The following THEM4 variants were observed in gnomAD, a reference collection of about 807,000 sequenced individuals.
The protein encoded by THEM4 is acyl-coenzyme A thioesterase THEM4.
Under a neutral mutation model 25.0 loss-of-function variants are expected in THEM4, and 22 were observed. The ratio of observed to expected loss-of-function variants is 0.88; its 90% CI spans 0.63 to 1.26. THEM4 has a LOEUF of 1.26. THEM4 is among the 50% of genes most tolerant of loss of function. The pLI, the probability that THEM4 is intolerant of heterozygous loss-of-function variation, is 0.00. For synonymous variants in THEM4, 113 were observed against 105.6 expected, an observed-to-expected ratio of 1.07 and a Z score of -0.43; for missense variants, 286 against 300.3, an observed-to-expected ratio of 0.95 and a Z score of 0.35.
chr1:151,902,085 C>T (rs567450475), intron 1 of THEM4, among the ~76,000 whole-genome samples: 1 of 152,258 alleles, frequency 6.6e-6, no homozygotes, highest in South Asian at 2.1e-4. Flanking sequence ...GCGATACCAC[C>T]TTACTCCTGC....
In THEM4 at chr1:151,875,035, G is replaced by A. The variant is rs190068228; in HGVS notation, c.683-107C>T. The A allele has an allele frequency of 2.4e-5, 22 of 921,794 alleles. 1 individual carries two copies. In the Admixed American group the frequency reaches 3.9e-4, roughly 17 times the overall value. The allele number at this position is 921,794 out of a possible 1,614,324, so 57.1% of individuals were successfully genotyped here. On this transcript the variant is annotated intron_variant, in intron 5 of 5. Coordinates refer to ENST00000368814, the MANE Select transcript of THEM4 (RefSeq NM_053055.5). ...CAAAAGAAGGATTTGATTCACATTT[G>A]TAGCTTCAGTCTATCTGTCCACTCT...
intron 1 of THEM4, among the ~76,000 whole-genome samples, chr1:151,898,554 G>A (rs1047213413): frequency 3.3e-5 from 5 of 152,170 alleles, no homozygotes; most frequent in African/African-American, 9.7e-5. Context: ...CTAGGGCCCC[G>A]CCCACCACCG....
At chr1:151,881,153 A>G (rs1413716659) in intron 4 of THEM4, among the ~76,000 whole-genome samples, 1 of 151,984 alleles carries the variant, frequency 6.6e-6, no homozygotes, top group Non-Finnish European at 1.5e-5. Context: ...ACTATAATTT[A>G]TTTATTGTAA....
chr1:151,884,391 AC>A (rs1465514257), intron 4 of THEM4, among the ~76,000 whole-genome samples: 2 of 152,158 alleles, frequency 1.3e-5, no homozygotes, highest in African/African-American at 4.8e-5. Flanking sequence ...ATTCACATTT[AC>A]CCCTCTTGTT....
chr1:151,895,140 T>G lies in THEM4; in HGVS notation c.154A>C (p.Ser52Arg). The G allele has an allele frequency of 6.2e-7, 1 of 1,614,112 alleles. No individual in the cohort carries two copies. The highest frequency in any genetic ancestry group is 8.5e-7 in the Non-Finnish European group (1 of 1,180,004). The change falls in exon 2 of 6, where the codon AGC becomes CGC. Residue 52 changes from serine to arginine, a missense_variant. Ser to Arg is a moderately radical substitution (Grantham distance 110, BLOSUM62 -1). Coordinates refer to ENST00000368814, the MANE Select transcript of THEM4 (RefSeq NM_053055.5). ...AGCAGTCTTAGGTCCTTGTTCCAGC[T>G]GGGGTTGGGGACAGAACAGTCCTTA... ...ILKDCSVPNP[S>R]WNKDLRLLFD...
intron 4 of THEM4, among the ~76,000 whole-genome samples, chr1:151,883,146 C>T (rs1408362217): frequency 8.6e-6 from 1 of 116,946 alleles, no homozygotes; most frequent in African/African-American, 3.1e-5. Flanking sequence ...GAGATGGAGT[C>T]TTGCTCTGTT....
chr1:151,895,476 C>T (rs1479581424), intron 1 of THEM4, among the ~76,000 whole-genome samples: 1 of 152,082 alleles, frequency 6.6e-6, no homozygotes, highest in Admixed American at 6.5e-5. Context: ...AGACTTTAAT[C>T]AAGCACAGGT....
intron 1 of THEM4, among the ~76,000 whole-genome samples, chr1:151,899,482 C>CAAAAA (rs58168472): frequency 1.1e-5 from 1 of 94,668 alleles, no homozygotes; most frequent in African/African-American, 3.7e-5. Context: ...CAGAGTGAGT[C>CAAAAA]AAAAAAAAAA....
chr1:151,877,047 A>C lies in THEM4; in HGVS notation c.636T>G (p.Cys212Trp). 6.2e-7 allele frequency: 1 copy of C among 1,613,774 alleles called. No individual in the cohort carries two copies. The highest frequency in any genetic ancestry group is 8.5e-7 in the Non-Finnish European group (1 of 1,179,790). Residue 212 changes from cysteine (C) to tryptophan (W), a missense_variant, in exon 5 of 6, where the codon TGT (cysteine) becomes TGG (tryptophan). Coordinates refer to ENST00000368814, the MANE Select transcript of THEM4 (RefSeq NM_053055.5). ...KVEGRKFFVS[C>W]NVQSVDEKTL... Reference sequence around the variant, plus strand: ...TCTTCTCATCAACACTCTGAACATTACAGGAAACAAAAAATTTCCTTCCTT... The same window carrying C: ...TCTTCTCATCAACACTCTGAACATTCCAGGAAACAAAAAATTTCCTTCCTT...
intron 4 of THEM4, among the ~76,000 whole-genome samples, chr1:151,887,697 A>C (rs1654004011): frequency 6.6e-6 from 1 of 152,040 alleles, no homozygotes; most frequent in Admixed American, 6.6e-5. Context: ...GTGCAGTGGC[A>C]TGATCCTAGC....
rs537959854 is a variant in THEM4, at chr1:151,883,893, G to A, written c.557+4380C>T. 4.6e-5 allele frequency among the ~76,000 whole-genome samples: 7 copies of A among 152,062 alleles called. No individual in the cohort carries two copies. In the East Asian group the frequency reaches 7.7e-4, roughly 17 times the overall value. On this transcript the variant is annotated intron_variant, in intron 4 of 5. Coordinates refer to ENST00000368814, the MANE Select transcript of THEM4 (RefSeq NM_053055.5). ...AGTTTGAGACCAGCCTGGCCAACAT[G>A]GTGAAACCTCGTCTCTACTAAAAAT...
chr1:151,888,432 T>C, intron 3 of THEM4, 49 bp from the exon 4 acceptor site: 1 of 1,411,626 alleles, frequency 7.1e-7, no homozygotes, highest in Non-Finnish European at 9.8e-7. Context: ...GTTCTGAAGA[T>C]AGAGAGCCTC....
intron 1 of THEM4, among the ~76,000 whole-genome samples, chr1:151,907,109 C>G (rs903451759): frequency 6.6e-6 from 1 of 152,148 alleles, no homozygotes; most frequent in Non-Finnish European, 1.5e-5. Flanking sequence ...CAGCTTCACT[C>G]CTGAAGCCAA....
intron 2 of THEM4, among the ~76,000 whole-genome samples, chr1:151,892,393 G>A (rs1654113718): frequency 6.6e-6 from 1 of 152,196 alleles, no homozygotes; most frequent in Non-Finnish European, 1.5e-5. Flanking sequence ...TCCGTCACTA[G>A]TGGCTTCAAT....
At chr1:151,885,076 T>C (rs578060665) in intron 4 of THEM4, among the ~76,000 whole-genome samples, 1 of 151,424 alleles carries the variant, frequency 6.6e-6, no homozygotes, top group East Asian at 1.9e-4. Context: ...CTTTTTGTGA[T>C]TTCATCTTTT....
At chr1:151,884,835 C>T (rs149757210) in intron 4 of THEM4, among the ~76,000 whole-genome samples, 4,087 of 151,584 alleles carry the variant, frequency 0.027, 189 homozygotes, top group African/African-American at 0.093. Flanking sequence ...ATTACAGGTG[C>T]GCACCACCAC....
At chr1:151,905,345 T>C (rs1401769248) in intron 1 of THEM4, among the ~76,000 whole-genome samples, 1 of 152,156 alleles carries the variant, frequency 6.6e-6, no homozygotes, top group Non-Finnish European at 1.5e-5. Flanking sequence ...CCCTTCTGTG[T>C]CCACAAGACT....
chr1:151,890,175 G>A (rs570429550), intron 2 of THEM4: 1 of 457,266 alleles, frequency 2.2e-6, no homozygotes, highest in East Asian at 7.0e-5. Context: ...AAAGTGCTGG[G>A]ATTATAGGCG....
chr1:151,874,211 T>TATATGC lies in THEM4; in HGVS notation c.*671_*676dup, dbSNP rs1653618096. On this transcript the variant is annotated 3_prime_UTR_variant, in exon 6 of 6. Coordinates refer to ENST00000368814, the MANE Select transcript of THEM4 (RefSeq NM_053055.5). The stretch of plus-strand genomic sequence containing the variant: ...CTTTCTAACTTACTAACTTACAATG[T>TATATGC]ATATGCATATGCACATGCCTGTGTG... 6.6e-6 allele frequency: 1 copy of TATATGC among 152,356 alleles called. No individual in the cohort carries two copies. Among genetic ancestry groups the TATATGC allele is most frequent in the Non-Finnish European group, 1.5e-5 (1 of 68,122 alleles). The allele number at this position is 152,356 out of a possible 1,614,324, so 9.4% of individuals were successfully genotyped here. A position where few individuals can be genotyped will look rare whatever the true frequency, so the allele number is the denominator to read the frequency against.
Sources: gnomAD v4.1 joint callset for allele counts (sites outside exome capture counted in the v4.1 genomes callset) on GRCh38, gnomAD v4.1.1 for gene constraint, MANE v1.5 for transcripts, NCBI Gene and HGNC (gene_info 2026-07-23, HGNC 2026-07-21) for gene names.